The following SRSF7 variants were observed in gnomAD, a reference collection of about 807,000 sequenced individuals.
SRSF7 encodes the protein serine/arginine-rich splicing factor 7.
In SRSF7, 15 loss-of-function variants were observed where a neutral mutation model predicts 42.2. The observed-to-expected ratio is 0.36, with a 90% CI of 0.24 to 0.55. SRSF7 has a LOEUF of 0.55. SRSF7 is among the 20% of genes least tolerant of loss of function. The pLI is 0.88. For missense variants in SRSF7, 181 were observed against 305.9 expected, an observed-to-expected ratio of 0.59 and a Z score of 3.04; for synonymous variants, 138 against 107.9, an observed-to-expected ratio of 1.28 and a Z score of -1.73.
chr2:38,744,110 C>G lies in SRSF7; in HGVS notation c.*1023G>C. 6.6e-6 allele frequency: 1 copy of G among 152,502 alleles called. No homozygotes were observed. Among genetic ancestry groups the G allele is most frequent in the Non-Finnish European group, 1.5e-5 (1 of 68,024 alleles). 9.4% of individuals were successfully genotyped at this position (152,502 alleles called of 1,614,324 possible). A position where few individuals can be genotyped will look rare whatever the true frequency, so the allele number is the denominator to read the frequency against. ...CTAAATATAGCTGAGATTTACAAAA[C>G]CACTTTAGTCTCATTGACATTTCTG... is the stretch of plus-strand genomic sequence containing the variant. On this transcript the variant is annotated 3_prime_UTR_variant, in exon 8 of 8. Coordinates refer to ENST00000313117, the MANE Select transcript of SRSF7 (RefSeq NM_001031684.3).
intron 5 of SRSF7, 65 bp from the exon 6 acceptor site, chr2:38,746,812 A>C: frequency 3.7e-6 from 6 of 1,601,988 alleles, no homozygotes; most frequent in Non-Finnish European, 5.1e-6. Flanking sequence ...TTAACTACTC[A>C]ACACTGTATT....
Position 38,750,328 on chromosome 2 carries a change from C to T in SRSF7, c.29-134G>A. 6 of 715,706 alleles carry T rather than the reference C, an allele frequency of 8.4e-6. 1 individual carries two copies. The South Asian group carries it at 1.3e-4, about 16-fold the overall frequency. The allele number at this position is 715,706 out of a possible 1,614,324, so 44.3% of individuals were successfully genotyped here. ...TTAATGCCCTCTATCCAAGACAAAA[C>T]TTAGTCGTAAAACTGGTGAAAGTCC... On this transcript the variant is annotated intron_variant, in intron 1 of 7. Coordinates refer to ENST00000313117, the MANE Select transcript of SRSF7 (RefSeq NM_001031684.3).
At chr2:38,746,585 A>C in intron 6 of SRSF7, 109 bp downstream of exon 6, 1 of 1,519,700 alleles carries the variant, frequency 6.6e-7, no homozygotes, top group Non-Finnish European at 8.9e-7. Context: ...TTCCCACTAA[A>C]ACCTAAGTTT....
At chr2:38,749,195 T>TA (rs1275160836) in intron 3 of SRSF7, 2 of 1,338,462 alleles carry the variant, frequency 1.5e-6, no homozygotes, top group East Asian at 5.0e-5. Context: ...AAGGTGAAGC[T>TA]AGGTGTAGAT....
intron 7 of SRSF7, 131 bp from the exon 8 acceptor site, chr2:38,745,318 A>G (rs745377631): frequency 2.2e-6 from 2 of 904,500 alleles, no homozygotes; most frequent in Non-Finnish European, 3.5e-6. Context: ...TAAAAATGAC[A>G]TGAAACTTAC....
At chr2:38,751,044 TGTACAC>T (rs2148498931) in intron 1 of SRSF7, 179 bp downstream of exon 1, 1 of 699,198 alleles carries the variant, frequency 1.4e-6, no homozygotes, top group East Asian at 2.8e-5. Context: ...TCGGCAGAGA[TGTACAC>T]CCGCCATCCC....
At position 38,747,190 on chromosome 2, in the gene SRSF7, A is replaced by G. The variant is rs553654734; in HGVS notation, c.573-443T>C. The G allele has an allele frequency of 8.8e-4, 367 of 416,428 alleles. 5 individuals carry two copies. The highest frequency in any genetic ancestry group is 1.4e-3 in the Non-Finnish European group (280 of 199,944). The allele number at this position is 416,428 out of a possible 1,614,324, so 25.8% of individuals were successfully genotyped here. ...TGAGACTAATTCAGGTGATAAGGCC[A>G]GACGAAAAGAAAGCCGCCCCCCATT... is the stretch of plus-strand genomic sequence containing the variant. On this transcript the variant is annotated intron_variant, in intron 5 of 7. Transcript: ENST00000313117.
At chr2:38,747,137 C>G (rs1349090439) in intron 5 of SRSF7, 1 of 474,428 alleles carries the variant, frequency 2.1e-6, no homozygotes, top group Admixed American at 2.3e-5. Context: ...GAGGCTAAGG[C>G]AGGATGAAAA....
intron 4 of SRSF7, 78 bp from the exon 5 acceptor site, chr2:38,748,235 G>A: frequency 9.2e-7 from 1 of 1,082,782 alleles, no homozygotes; most frequent in Non-Finnish European, 1.4e-6. Context: ...GGGGAACGGT[G>A]CAGTGGCTCA....
At chr2:38,748,440 T>C in intron 4 of SRSF7, 139 bp downstream of exon 4, 1 of 830,986 alleles carries the variant, frequency 1.2e-6, no homozygotes, top group Non-Finnish European at 2.0e-6. Context: ...CAGCAGTGAG[T>C]CGTGGTTATG....
Position 38,744,831 on chromosome 2 carries a change from A to T in SRSF7, c.*302T>A. On this transcript the variant is annotated 3_prime_UTR_variant, in exon 8 of 8. Transcript: ENST00000313117. ...GTATGTATGAATAAGGTTAACAATT[A>T]TAATGTCTGACTCTCAAATATATCA... 6.5e-6 allele frequency: 2 copies of T among 307,126 alleles called. No homozygotes were observed. The highest frequency in any genetic ancestry group is 2.2e-5 in the African/African-American group (1 of 46,488). 19.0% of individuals were successfully genotyped at this position (307,126 alleles called of 1,614,324 possible). A position where few individuals can be genotyped will look rare whatever the true frequency, so the allele number is the denominator to read the frequency against.
At chr2:38,749,417 C>G in intron 3 of SRSF7, 112 bp downstream of exon 3, 1 of 1,568,674 alleles carries the variant, frequency 6.4e-7, no homozygotes, top group Non-Finnish European at 8.6e-7. Context: ...TTGTAAAATA[C>G]ACCTGTACAA....
intron 3 of SRSF7, chr2:38,749,181 G>A: frequency 7.5e-7 from 1 of 1,329,248 alleles, no homozygotes; most frequent in Non-Finnish European, 9.9e-7. Context: ...GCCCTTTAAA[G>A]AATAAGGTGA....
chr2:38,745,679 T>TC (rs1553388574), intron 7 of SRSF7, among the ~76,000 whole-genome samples: 1 of 151,490 alleles, frequency 6.6e-6, no homozygotes, highest in Non-Finnish European at 1.5e-5. Flanking sequence ...AATTAGGCTA[T>TC]CCTCCTTGTC....
chr2:38,750,260 T>C (rs3134630), intron 1 of SRSF7, 66 bp from the exon 2 acceptor site: 1,014,340 of 1,478,322 alleles, frequency 0.69, 352,711 homozygotes, highest in East Asian at 0.89. Context: ...CAATTACTTA[T>C]TTGCCTTAAA....
At chr2:38,746,319 G>T in intron 6 of SRSF7, 140 bp from the exon 7 acceptor site, 1 of 973,568 alleles carries the variant, frequency 1.0e-6, no homozygotes, top group Non-Finnish European at 1.6e-6. Flanking sequence ...CCTACCAGTT[G>T]TTGCTAACAA....
chr2:38,745,197 A>G lies in SRSF7; in HGVS notation c.663-10T>C. ...TCCTGATGGGGAACGACTAAAAAGA[A>G]AAACATTAGGTTTGGATCCAATTAG... is the stretch of plus-strand genomic sequence containing the variant. On this transcript the variant is annotated splice_polypyrimidine_tract_variant and intron_variant, in intron 7 of 7. Coordinates refer to ENST00000313117, the MANE Select transcript of SRSF7 (RefSeq NM_001031684.3). 1.2e-6 allele frequency: 2 copies of G among 1,614,140 alleles called. No homozygotes were observed. Among genetic ancestry groups the G allele is most frequent in the Admixed American group, 3.3e-5 (2 of 60,016 alleles).
At chr2:38,748,961 T>A in intron 3 of SRSF7, 2 of 1,306,894 alleles carry the variant, frequency 1.5e-6, no homozygotes, top group Non-Finnish European at 2.0e-6. Flanking sequence ...GATCTAGAAG[T>A]ATCTATAGCC....
intron 3 of SRSF7, chr2:38,749,126 G>T: frequency 7.6e-7 from 1 of 1,317,088 alleles, no homozygotes; most frequent in Non-Finnish European, 1.0e-6. Context: ...GGCCCCAATT[G>T]TAAGCCAAAT....
Sources: gnomAD v4.1 joint callset for allele counts (sites outside exome capture counted in the v4.1 genomes callset) on GRCh38, gnomAD v4.1.1 for gene constraint, MANE v1.5 for transcripts, NCBI Gene and HGNC (gene_info 2026-07-23, HGNC 2026-07-21) for gene names.